The following CEP162 variants were observed in gnomAD, a reference collection of about 807,000 sequenced individuals.
The protein encoded by CEP162 is centrosomal protein of 162 kDa.
In CEP162, 141 loss-of-function variants were observed where a neutral mutation model predicts 169.2. The ratio of observed to expected loss-of-function variants is 0.83; its 90% CI spans 0.73 to 0.96. The LOEUF (loss-of-function observed/expected upper bound fraction) is 0.96, where lower values mean the gene tolerates loss of function less well. CEP162 is among the 40% of genes least tolerant of loss of function. CEP162 has a pLI of 0.00. For synonymous variants in CEP162, 540 were observed against 526.4 expected, an observed-to-expected ratio of 1.03 and a Z score of -0.35; for missense variants, 1,600 against 1,587.2, an observed-to-expected ratio of 1.01 and a Z score of -0.14.
chr6:84,164,366 T>G (rs181310048), intron 18 of CEP162, among the ~76,000 whole-genome samples: 1 of 152,312 alleles, frequency 6.6e-6, no homozygotes, highest in Non-Finnish European at 1.5e-5. Context: ...CCCAAAGGAT[T>G]ATAAATCATT....
Position 84,160,884 on chromosome 6 carries a change from T to C in CEP162, c.2709A>G (p.Pro903=), listed in dbSNP as rs2099525468. The change falls in exon 21 of 27, where the codon CCA becomes CCG. Residue 903 remains proline (P), a synonymous_variant. Transcript: ENST00000403245. ...IEKLKAESGN[P]SIRQKIRLKD... is the part of the protein sequence containing the mutation. ...TTAAGCGTATCTTCTGCCGAATAGA[T>C]GGATTCCCAGATTCAGCTTTCAGTT... 9 of 1,612,606 alleles carry C rather than the reference T, an allele frequency of 5.6e-6. No homozygotes were observed. The highest frequency in any genetic ancestry group is 1.3e-5 in the African/African-American group (1 of 74,910).
chr6:84,219,166 T>C, intron 3 of CEP162: 1 of 1,292,366 alleles, frequency 7.7e-7, no homozygotes, highest in Non-Finnish European at 1.0e-6. Context: ...CCTCAGAAGG[T>C]TCTACACTCT....
intron 25 of CEP162, among the ~76,000 whole-genome samples, chr6:84,134,004 T>G (rs992608053): frequency 6.6e-6 from 1 of 150,892 alleles, no homozygotes; most frequent in African/African-American, 2.4e-5. Flanking sequence ...CAGATGGGGG[T>G]TTTTTCTATA....
At chr6:84,222,276 G>A (rs1481228407) in intron 2 of CEP162, among the ~76,000 whole-genome samples, 2 of 152,036 alleles carry the variant, frequency 1.3e-5, no homozygotes, top group Non-Finnish European at 2.9e-5. Context: ...TTTGCTACTG[G>A]TGATCAACTC....
chr6:84,212,297 T>G (rs1011855238), intron 6 of CEP162, among the ~76,000 whole-genome samples: 3 of 152,180 alleles, frequency 2.0e-5, no homozygotes, highest in Admixed American at 6.5e-5. Context: ...ATCTATTATA[T>G]TCCTTAAAAG....
intron 3 of CEP162, among the ~76,000 whole-genome samples, chr6:84,216,440 T>A (rs912151343): frequency 1.3e-5 from 2 of 152,156 alleles, no homozygotes; most frequent in Admixed American, 6.5e-5. Context: ...TAAAAGCTCT[T>A]TCAAAGTCAT....
chr6:84,201,642 C>A, intron 8 of CEP162, 95 bp downstream of exon 8: 1 of 647,076 alleles, frequency 1.5e-6, no homozygotes, highest in South Asian at 1.9e-5. Flanking sequence ...TATTTAAAAA[C>A]AAACACAGAT....
At chr6:84,164,798 C>G (rs1214720278) in intron 18 of CEP162, among the ~76,000 whole-genome samples, 4 of 151,978 alleles carry the variant, frequency 2.6e-5, no homozygotes, top group African/African-American at 9.7e-5. Context: ...ACCACCATGG[C>G]ACATGTATAC....
At position 84,209,697 on chromosome 6, in the gene CEP162, A is replaced by T. The variant is rs556012426; in HGVS notation, c.571+3260T>A. ...GCCTATTATAGCTACTGCTGTACTT[A>T]ATCTAAATCAAAAGTTAATACAGCC... is the stretch of plus-strand genomic sequence containing the variant. On this transcript the variant is annotated intron_variant, in intron 6 of 26. Transcript: ENST00000403245. Among the ~76,000 whole-genome samples, 3 of 152,292 alleles carry T rather than the reference A, an allele frequency of 2.0e-5. No individual in the cohort carries two copies. The East Asian group carries it at 5.8e-4, about 29-fold the overall frequency.
intron 20 of CEP162, 121 bp downstream of exon 20, chr6:84,161,625 T>C (rs1195989754): frequency 1.3e-6 from 1 of 747,782 alleles, no homozygotes; most frequent in Non-Finnish European, 2.2e-6. Flanking sequence ...AAACCACCGA[T>C]CTTAATTAAT....
rs773464642 is a variant in CEP162 at position 84,152,642 on chromosome 6, T to C, written c.3532A>G (p.Arg1178Gly). ...HVSEVLQENY[R>G]LKNELEGLIS... ...AATCCTTCTAGCTCATTTTTTAATC[T>C]GTAGTTTTCTTGTAAAACTTCTGAA... Residue 1178 changes from arginine to glycine, a missense_variant, in exon 23 of 27, where the codon AGA becomes GGA. Arg to Gly is a moderately radical substitution (Grantham distance 125, BLOSUM62 -2). Transcript: ENST00000403245. The C allele has an allele frequency of 3.1e-6, 5 of 1,599,470 alleles. No individual in the cohort carries two copies. The highest frequency in any genetic ancestry group is 4.3e-6 in the Non-Finnish European group (5 of 1,172,084).
At chr6:84,160,114 C>T (rs2099525166) in intron 21 of CEP162, among the ~76,000 whole-genome samples, 1 of 152,074 alleles carries the variant, frequency 6.6e-6, no homozygotes. Flanking sequence ...CATGACTTGA[C>T]TACAGAATCA....
At chr6:84,161,618 C>T in intron 20 of CEP162, 128 bp downstream of exon 20, 1 of 727,872 alleles carries the variant, frequency 1.4e-6, no homozygotes, top group South Asian at 1.8e-5. Flanking sequence ...TAAAAGCAAA[C>T]CACCGATCTT....
Position 84,124,874 on chromosome 6 carries a change from T to A in CEP162, c.*196A>T. 1.7e-6 allele frequency: 1 copy of A among 582,572 alleles called. No individual in the cohort carries two copies. Among genetic ancestry groups the A allele is most frequent in the South Asian group, 2.3e-5 (1 of 43,556 alleles). The allele number at this position is 582,572 out of a possible 1,614,324, so 36.1% of individuals were successfully genotyped here. A position where few individuals can be genotyped will look rare whatever the true frequency, so the allele number is the denominator to read the frequency against. On this transcript the variant is annotated 3_prime_UTR_variant, in exon 27 of 27. Transcript: ENST00000403245. ...AATCACTTAAAATGAGACTGGTTAA[T>A]GATTTTTAGTAAAATACACCATTAT...
chr6:84,190,183 T>C (rs1349984446), intron 11 of CEP162, among the ~76,000 whole-genome samples: 1 of 152,224 alleles, frequency 6.6e-6, no homozygotes, highest in Admixed American at 6.5e-5. Context: ...CGACACTCTG[T>C]ATCTAGCTGC....
At position 84,149,643 on chromosome 6, in the gene CEP162, T is replaced by A; in HGVS notation, c.3690A>T (p.Ile1230=). The change falls in exon 24 of 27, where the codon ATA becomes ATT. Residue 1230 remains isoleucine, a synonymous_variant. Coordinates refer to ENST00000403245, the MANE Select transcript of CEP162 (RefSeq NM_014895.4). The part of the protein sequence containing the change: ...ASLKASHQRE[I]EKLLCQNAVE... ...CTGCATTTTGGCAAAGGAGTTTCTC[T>A]ATTTCTCTCTGATGAGATGCTTTGA... The A allele has an allele frequency of 6.2e-7, 1 of 1,602,902 alleles. No individual in the cohort carries two copies. Among genetic ancestry groups the A allele is most frequent in the African/African-American group, 1.3e-5 (1 of 74,674 alleles).
chr6:84,159,580 T>TC (rs2099524859), intron 21 of CEP162, among the ~76,000 whole-genome samples: 1 of 101,134 alleles, frequency 9.9e-6, no homozygotes, highest in East Asian at 2.8e-4. Flanking sequence ...TTTTTTTTTT[T>TC]TTGAGATGGA....
At chr6:84,199,187 T>C (rs927852470) in intron 9 of CEP162, among the ~76,000 whole-genome samples, 1 of 152,132 alleles carries the variant, frequency 6.6e-6, no homozygotes, top group Non-Finnish European at 1.5e-5. Flanking sequence ...TGTGACACGG[T>C]TCCTTAAATC....
chr6:84,154,334 G>A (rs73750527), intron 22 of CEP162, among the ~76,000 whole-genome samples: 2,391 of 140,726 alleles, frequency 0.017, 23 homozygotes, highest in African/African-American at 0.026. Context: ...CTATCTATCT[G>A]TCTGTCTGTC....
Sources: gnomAD v4.1 joint callset for allele counts (sites outside exome capture counted in the v4.1 genomes callset) on GRCh38, gnomAD v4.1.1 for gene constraint, MANE v1.5 for transcripts, NCBI Gene and HGNC (gene_info 2026-07-23, HGNC 2026-07-21) for gene names.